Variants in PCDH15 observed in about 807,000 individuals in gnomAD.
The protein encoded by PCDH15 is protocadherin related 15.
A neutral mutation model predicts 178.5 loss-of-function variants in PCDH15; 129 were observed. The observed-to-expected ratio is 0.72, with a 90% confidence interval of 0.63 to 0.84. The LOEUF (loss-of-function observed/expected upper bound fraction) is 0.84, where lower values mean the gene tolerates loss of function less well. Ranked by LOEUF, PCDH15 falls within the 40% of genes least tolerant of loss-of-function variation. The pLI, the probability that PCDH15 is intolerant of heterozygous loss-of-function variation, is 0.00. For missense variants in PCDH15, 2,230 were observed against 2,099.9 expected (o/e 1.06, Z -1.21); for synonymous variants, 800 against 732.0 (o/e 1.09, Z -1.50).
intron 3 of PCDH15, among the ~76,000 whole-genome samples, chr10:54,884,548 C>A (rs1277797950): frequency 6.6e-6 from 1 of 150,838 alleles, no homozygotes; most frequent in Non-Finnish European, 1.5e-5. Context: ...ATCAATAGTT[C>A]TTAGACATAT....
chr10:55,583,369 C>T (rs1842661063), intron 2 of PCDH15, among the ~76,000 whole-genome samples: 1 of 152,020 alleles, frequency 6.6e-6, no homozygotes, highest in South Asian at 2.1e-4. Context: ...ATAACATGAC[C>T]CATAATGTTT....
intron 2 of PCDH15, among the ~76,000 whole-genome samples, chr10:55,597,721 CAGGACT>C (rs1416082142): frequency 9.2e-5 from 14 of 152,114 alleles, no homozygotes; most frequent in African/African-American, 3.1e-4. Flanking sequence ...CCTAAACTTC[CAGGACT>C]GCAAATGACC....
chr10:54,018,815 T>A (rs2092821757), intron 20 of PCDH15, among the ~76,000 whole-genome samples: 1 of 150,964 alleles, frequency 6.6e-6, no homozygotes, highest in Non-Finnish European at 1.5e-5. Context: ...GATTTCATTG[T>A]TTTTTAACAT....
chr10:54,854,889 C>A (rs1461288980), intron 3 of PCDH15, among the ~76,000 whole-genome samples: 2 of 152,164 alleles, frequency 1.3e-5, no homozygotes, highest in Admixed American at 6.5e-5. Context: ...GGGGACCCAC[C>A]CCCTTCCACC....
At chr10:54,834,765 T>C (rs1953286871) in intron 3 of PCDH15, among the ~76,000 whole-genome samples, 1 of 152,212 alleles carries the variant, frequency 6.6e-6, no homozygotes, top group South Asian at 2.1e-4. Context: ...TATTGAAACA[T>C]TGAAAGTATG....
rs2048386407 is a variant in PCDH15, at chr10:54,185,260, G to T, written c.1314C>A (p.Asp438Glu). 2 of 1,613,206 alleles carry T rather than the reference G, an allele frequency of 1.2e-6. No individual in the cohort carries two copies. Among genetic ancestry groups the T allele is most frequent in the South Asian group, 2.2e-5 (2 of 91,076 alleles). Residue 438 changes from aspartate (D) to glutamate (E), a missense_variant, in exon 12 of 38, where the codon GAC becomes GAA. Physicochemically the swap from Asp to Glu is conservative, Grantham distance 45. Coordinates refer to ENST00000644397, the MANE Select transcript of PCDH15 (RefSeq NM_001384140.1). ...CATTCAGAAAAAGGTGAAGCTCTGG[G>T]TCTTTTGTCTTTGAAAAAAAATGAC... ...ALDKDIEDTKDPELHLFLNDY... is the reference protein window; with the variant it reads ...ALDKDIEDTKEPELHLFLNDY...
intron 28 of PCDH15, among the ~76,000 whole-genome samples, chr10:53,853,899 T>A (rs2078556883): frequency 1.3e-5 from 2 of 151,934 alleles, no homozygotes; most frequent in African/African-American, 4.8e-5. Context: ...GATTTAGCAA[T>A]CCCACTTCTG....
chr10:54,192,041 G>A (rs2049054582), intron 11 of PCDH15, among the ~76,000 whole-genome samples: 1 of 149,494 alleles, frequency 6.7e-6, no homozygotes, highest in African/African-American at 2.5e-5. Context: ...CGGAGAGAAG[G>A]AAGGAAGGCA....
At chr10:54,076,819 T>C (rs946292097) in intron 17 of PCDH15, among the ~76,000 whole-genome samples, 1 of 152,190 alleles carries the variant, frequency 6.6e-6, no homozygotes, top group Non-Finnish European at 1.5e-5. Flanking sequence ...TGTATTCTCA[T>C]GATCAAATTT....
chr10:54,189,384 C>A (rs200299853), intron 11 of PCDH15: 14 of 1,552,766 alleles, frequency 9.0e-6, no homozygotes, highest in South Asian at 1.2e-5. Flanking sequence ...CTGGGTGGAA[C>A]CTATACGCAA....
At chr10:55,442,467 ATATTATATATATATT>A in intron 2 of PCDH15, among the ~76,000 whole-genome samples, 1 of 49,138 alleles carries the variant, frequency 2.0e-5, no homozygotes, top group African/African-American at 8.4e-5. Context: ...ATATATATAT[ATATTATATATATATT>A]ATATATATAT....
intron 23 of PCDH15, among the ~76,000 whole-genome samples, chr10:53,946,392 C>T (rs2086576408): frequency 6.6e-6 from 1 of 152,182 alleles, no homozygotes; most frequent in Non-Finnish European, 1.5e-5. Flanking sequence ...CTACTCATCT[C>T]ACTTTTCACC....
intron 2 of PCDH15, among the ~76,000 whole-genome samples, chr10:55,577,398 G>A (rs4426058): frequency 0.36 from 55,315 of 151,924 alleles, 10,220 homozygotes; most frequent in East Asian, 0.49. Context: ...TATAACTAAT[G>A]TCAATTTTAA....
chr10:54,077,449 C>G (rs1462827667), intron 17 of PCDH15, among the ~76,000 whole-genome samples: 1 of 152,152 alleles, frequency 6.6e-6, no homozygotes, highest in Non-Finnish European at 1.5e-5. Context: ...ACTTTAAGGA[C>G]AGACTTAAAA....
At chr10:55,577,806 C>T (rs1842524814) in intron 2 of PCDH15, among the ~76,000 whole-genome samples, 1 of 152,138 alleles carries the variant, frequency 6.6e-6, no homozygotes, top group East Asian at 1.9e-4. Context: ...TGTTAATTTG[C>T]TGACATCTTT....
At chr10:54,282,538 T>C (rs925092175) in intron 8 of PCDH15, among the ~76,000 whole-genome samples, 2 of 152,098 alleles carry the variant, frequency 1.3e-5, no homozygotes, top group Non-Finnish European at 2.9e-5. Context: ...AATGTATATT[T>C]AACAGTATAA....
chr10:54,618,619 G>A (rs1471807449), intron 2 of PCDH15, among the ~76,000 whole-genome samples: 2 of 151,998 alleles, frequency 1.3e-5, no homozygotes, highest in East Asian at 3.9e-4. Flanking sequence ...TATGTAAATA[G>A]ACATACATAT....
At chr10:55,472,356 A>C (rs1442082464) in intron 2 of PCDH15, among the ~76,000 whole-genome samples, 1 of 151,576 alleles carries the variant, frequency 6.6e-6, no homozygotes, top group African/African-American at 2.4e-5. Flanking sequence ...TTCCATTATG[A>C]TTATGTTTCT....
intron 2 of PCDH15, among the ~76,000 whole-genome samples, chr10:55,154,081 T>C (rs1039754167): frequency 6.6e-6 from 1 of 152,162 alleles, no homozygotes; most frequent in Non-Finnish European, 1.5e-5. Context: ...TTTCCTATTA[T>C]ACAGCCTAAT....
Sources: allele counts gnomAD v4.1 joint callset (sites outside exome capture counted in the v4.1 genomes callset), GRCh38; gene constraint gnomAD v4.1.1; transcripts MANE v1.5; gene names NCBI Gene and HGNC (gene_info 2026-07-23, HGNC 2026-07-21).